NUP93: variants seen among roughly 807,000 people sequenced by gnomAD.
The protein encoded by NUP93 is nuclear pore complex protein Nup93.
NUP93 carries 55 observed loss-of-function variants against 107.8 expected under a neutral mutation model. The observed-to-expected ratio is 0.51, with a 90% CI of 0.41 to 0.64. NUP93 has a LOEUF of 0.64. NUP93 is among the 30% of genes least tolerant of loss of function. NUP93 has a pLI of 0.00. For missense variants in NUP93, 937 were observed against 1,044.7 expected, an observed-to-expected ratio of 0.90 and a Z score of 1.42; for synonymous variants, 390 against 397.5, an observed-to-expected ratio of 0.98 and a Z score of 0.22.
chr16:56,793,717 C>T (rs1276824181), intron 3 of NUP93, among the ~76,000 whole-genome samples: 1 of 152,006 alleles, frequency 6.6e-6, no homozygotes, highest in Non-Finnish European at 1.5e-5. Context: ...TGTTACTTTT[C>T]CTTGAGGTGT....
In NUP93 at chr16:56,797,386, A is replaced by G. The variant is rs145029674; in HGVS notation, c.298-1090A>G. 3.3e-4 allele frequency among the ~76,000 whole-genome samples: 51 copies of G among 152,356 alleles called. No homozygotes were observed. The East Asian group carries it at 7.1e-3, about 21-fold the overall frequency. The stretch of plus-strand genomic sequence containing the variant: ...CTAAGACTTTGATCTCTACATGTCA[A>G]TTGATGGGTCATCTTCCTTGTTCCT... On this transcript the variant is annotated intron_variant, in intron 3 of 21. Coordinates refer to ENST00000308159, the MANE Select transcript of NUP93 (RefSeq NM_014669.5).
chr16:56,739,578 A>G (rs1424037504), intron 1 of NUP93, among the ~76,000 whole-genome samples: 1 of 55,154 alleles, frequency 1.8e-5, no homozygotes. Context: ...CGGGGGGCTG[A>G]CCCCCCCACC....
At position 56,841,746 on chromosome 16, in the gene NUP93, C is replaced by G; in HGVS notation, c.2262C>G (p.Asn754Lys). 6.2e-7 allele frequency: 1 copy of G among 1,614,210 alleles called. No individual in the cohort carries two copies. Among genetic ancestry groups the G allele is most frequent in the Non-Finnish European group, 8.5e-7 (1 of 1,180,012 alleles). ...NLSEVLLATM[N>K]ILFTQFKRLK... The stretch of plus-strand genomic sequence containing the variant: ...CAGAAGTGCTTCTTGCCACCATGAA[C>G]ATCTTGTTCACACAGTTTAAGAGGC... Residue 754 changes from asparagine to lysine, a missense_variant, in exon 21 of 22, where the codon AAC becomes AAG. Physicochemically the swap from Asn to Lys is moderately conservative, Grantham distance 94. Coordinates refer to ENST00000308159, the MANE Select transcript of NUP93 (RefSeq NM_014669.5).
chr16:56,829,221 AC>A, intron 9 of NUP93, 112 bp downstream of exon 9: 3 of 1,309,432 alleles, frequency 2.3e-6, no homozygotes, highest in Non-Finnish European at 3.1e-6. Context: ...TGGAGATGGG[AC>A]CAGAGAGGGG....
chr16:56,772,437 G>A (rs1235248067), intron 3 of NUP93, among the ~76,000 whole-genome samples: 1 of 152,190 alleles, frequency 6.6e-6, no homozygotes, highest in African/African-American at 2.4e-5. Flanking sequence ...GATTCGTTGA[G>A]TAAATGCCAT....
intron 5 of NUP93, among the ~76,000 whole-genome samples, chr16:56,808,742 A>G (rs1020235152): frequency 7.3e-6 from 1 of 136,794 alleles, no homozygotes; most frequent in African/African-American, 2.7e-5. Context: ...TATATAAAAT[A>G]CATATATAAA....
chr16:56,791,037 G>C (rs1310474434), intron 3 of NUP93, among the ~76,000 whole-genome samples: 2 of 152,050 alleles, frequency 1.3e-5, no homozygotes, highest in Admixed American at 6.5e-5. Context: ...TAATTTGTAT[G>C]TATTGTACAT....
intron 2 of NUP93, among the ~76,000 whole-genome samples, chr16:56,748,747 T>C (rs1311004664): frequency 2.0e-5 from 3 of 152,146 alleles, no homozygotes; most frequent in Non-Finnish European, 4.4e-5. Context: ...CATTGGGTCA[T>C]AAATGGCTCC....
intron 13 of NUP93, 141 bp from the exon 14 acceptor site, chr16:56,833,987 G>A: frequency 8.5e-7 from 1 of 1,172,876 alleles, no homozygotes; most frequent in South Asian, 1.4e-5. Context: ...AAAGGGACTG[G>A]CCAAAGCTTA....
intron 1 of NUP93, among the ~76,000 whole-genome samples, chr16:56,736,914 A>T (rs954852865): frequency 4.6e-5 from 7 of 152,254 alleles, no homozygotes; most frequent in Admixed American, 1.3e-4. Flanking sequence ...GAATCAAATG[A>T]AAAGTAGAAA....
intron 5 of NUP93, among the ~76,000 whole-genome samples, chr16:56,809,263 A>C (rs1963260042): frequency 6.6e-6 from 1 of 152,152 alleles, no homozygotes; most frequent in African/African-American, 2.4e-5. Context: ...AGCTTTTCCA[A>C]ATCAGCAGTG....
intron 5 of NUP93, among the ~76,000 whole-genome samples, chr16:56,809,275 C>G (rs1963260319): frequency 1.3e-5 from 2 of 152,280 alleles, no homozygotes; most frequent in South Asian, 4.1e-4. Context: ...TCAGCAGTGA[C>G]TAGTTCTGAG....
At chr16:56,750,945 A>C (rs1413239575) in intron 2 of NUP93, among the ~76,000 whole-genome samples, 1 of 151,930 alleles carries the variant, frequency 6.6e-6, no homozygotes, top group Non-Finnish European at 1.5e-5. Flanking sequence ...AATCGCTTGA[A>C]CTCAGGAGTT....
intron 1 of NUP93, among the ~76,000 whole-genome samples, chr16:56,745,581 G>A (rs1961808743): frequency 6.6e-6 from 1 of 152,174 alleles, no homozygotes; most frequent in African/African-American, 2.4e-5. Context: ...GCAAGGACAG[G>A]CAGATTCTGG....
Position 56,748,364 on chromosome 16 carries a change from G to A in NUP93, c.117G>A (p.Ala39=), listed in dbSNP as rs144673411. ...VERNLQEIQQ[A]GERLRSRTLT... is the part of the protein sequence containing the mutation. ...GGAACTTACAGGAGATCCAGCAGGC[G>A]GGAGAGCGCCTGCGTTCCCGTACCC... The change falls in exon 2 of 22, where the codon GCG becomes GCA. Residue 39 remains alanine (A), a synonymous_variant. Transcript: ENST00000308159. 583 of 1,613,996 alleles carry A rather than the reference G, an allele frequency of 3.6e-4. 2 individuals are homozygous for A. The African/African-American group carries it at 6.7e-3, about 18-fold the overall frequency.
intron 1 of NUP93, among the ~76,000 whole-genome samples, chr16:56,733,609 CAT>C (rs1277142595): frequency 1.3e-5 from 2 of 151,964 alleles, no homozygotes; most frequent in Non-Finnish European, 2.9e-5. Context: ...TGATTTGGGA[CAT>C]GTGTAGTTTG....
Position 56,799,400 on chromosome 16 carries a change from A to G in NUP93, c.360+862A>G, listed in dbSNP as rs116131597. ...CCTGCAAGATACTCAAAGATTGTTT[A>G]CTAACATGTGAGTTATCTCCATTTA... is the stretch of plus-strand genomic sequence containing the variant. On this transcript the variant is annotated intron_variant, in intron 4 of 21. Coordinates refer to ENST00000308159, the MANE Select transcript of NUP93 (RefSeq NM_014669.5). Among the ~76,000 whole-genome samples the G allele has an allele frequency of 3.0e-3, 454 of 152,378 alleles. 1 individual carries two copies. Among genetic ancestry groups the G allele is most frequent in the African/African-American group, 9.6e-3 (398 of 41,596 alleles).
At chr16:56,789,047 G>A (rs140659120) in intron 3 of NUP93, among the ~76,000 whole-genome samples, 113 of 152,174 alleles carry the variant, frequency 7.4e-4, no homozygotes, top group African/African-American at 2.6e-3. Flanking sequence ...GAGGTGGAGG[G>A]GTGGTAGTAG....
chr16:56,829,213 G>A, intron 9 of NUP93, 104 bp downstream of exon 9: 1 of 1,371,752 alleles, frequency 7.3e-7, no homozygotes, highest in East Asian at 2.3e-5. Flanking sequence ...CTACTGTGTG[G>A]AGATGGGACC....
Sources: gnomAD v4.1 joint callset for allele counts (sites outside exome capture counted in the v4.1 genomes callset) on GRCh38, gnomAD v4.1.1 for gene constraint, MANE v1.5 for transcripts, NCBI Gene and HGNC (gene_info 2026-07-23, HGNC 2026-07-21) for gene names.